Variants in PHF24 observed in about 807,000 individuals in gnomAD.
PHF24 encodes Galpha inhibitory interacting protein.
A neutral mutation model predicts 42.6 loss-of-function variants in PHF24; 25 were observed. The observed-to-expected ratio is 0.59, with a 90% confidence interval of 0.43 to 0.82. PHF24 has a LOEUF of 0.82. Ranked by LOEUF, PHF24 falls within the 40% of genes least tolerant of loss-of-function variation. The pLI is 0.00. For synonymous variants in PHF24, 185 were observed against 204.8 expected (o/e 0.90, Z 0.83); for missense variants, 470 against 538.1 (o/e 0.87, Z 1.25).
the PHF24 span, among the ~76,000 whole-genome samples, chr9:34,666,763 T>C: frequency 6.6e-6 from 1 of 151,928 alleles, no homozygotes; most frequent in Non-Finnish European, 1.5e-5. Context: ...CTGGCCAAGA[T>C]GGTGAAACCC....
the PHF24 span, among the ~76,000 whole-genome samples, chr9:34,777,800 G>C: frequency 6.6e-6 from 1 of 152,196 alleles, no homozygotes; most frequent in Non-Finnish European, 1.5e-5. Context: ...TTGAGGGTGA[G>C]GCAATTTTCT....
chr9:34,717,471 G>A, the PHF24 span, among the ~76,000 whole-genome samples: 2 of 152,154 alleles, frequency 1.3e-5, no homozygotes, highest in Admixed American at 6.5e-5. Context: ...CAAGGATGGA[G>A]CCAGCAGTAA....
chr9:34,815,422 A>C, the PHF24 span, among the ~76,000 whole-genome samples: 1 of 152,108 alleles, frequency 6.6e-6, no homozygotes, highest in East Asian at 1.9e-4. Flanking sequence ...TCCTGGGTTC[A>C]CACCATTCTC....
the PHF24 span, among the ~76,000 whole-genome samples, chr9:34,767,854 C>T: frequency 6.6e-6 from 1 of 152,220 alleles, no homozygotes; most frequent in Non-Finnish European, 1.5e-5. Flanking sequence ...TTGGCTGCCC[C>T]CATTGTCAGT....
the PHF24 span, among the ~76,000 whole-genome samples, chr9:34,738,863 G>C: frequency 6.6e-6 from 1 of 152,142 alleles, no homozygotes. Context: ...AGCCATTTGT[G>C]GTCCTGAGGT....
chr9:34,843,396 A>G, the PHF24 span, among the ~76,000 whole-genome samples: 1 of 152,186 alleles, frequency 6.6e-6, no homozygotes, highest in African/African-American at 2.4e-5. Context: ...AAAAAATATC[A>G]AGTGACCATA....
At chr9:34,669,196 G>A in the PHF24 span, among the ~76,000 whole-genome samples, 1 of 152,234 alleles carries the variant, frequency 6.6e-6, no homozygotes, top group East Asian at 1.9e-4. Context: ...ACCTCCTGAG[G>A]CTGTATCATG....
chr9:34,971,169 C>A, intron 1 of PHF24, 126 bp from the exon 2 acceptor site: 1 of 935,536 alleles, frequency 1.1e-6, no homozygotes, highest in African/African-American at 1.6e-5. Context: ...TGTGCTGTCT[C>A]CACCCCCACC....
the PHF24 span, among the ~76,000 whole-genome samples, chr9:34,680,652 C>T: frequency 6.8e-6 from 1 of 146,486 alleles, no homozygotes; most frequent in African/African-American, 2.5e-5. Flanking sequence ...CCCGCCACTG[C>T]ACTCCAGCCT....
chr9:34,688,330 T>C, the PHF24 span, among the ~76,000 whole-genome samples: 7 of 152,200 alleles, frequency 4.6e-5, no homozygotes, highest in African/African-American at 1.7e-4. Context: ...GAACACTGTC[T>C]GGAGGCTAGC....
chr9:34,835,799 T>C, the PHF24 span: 31 of 1,533,898 alleles, frequency 2.0e-5, no homozygotes, highest in Non-Finnish European at 2.7e-5. Context: ...GTTGGGTTTA[T>C]AGATGCCAGT....
chr9:34,936,274 T>A, the PHF24 span, among the ~76,000 whole-genome samples: 1 of 152,236 alleles, frequency 6.6e-6, no homozygotes, highest in East Asian at 1.9e-4. Context: ...TTTCGCTGTG[T>A]TCGCCGGGCT....
chr9:34,961,399 A>T (rs898611431), intron 1 of PHF24, among the ~76,000 whole-genome samples: 3 of 152,140 alleles, frequency 2.0e-5, no homozygotes, highest in Non-Finnish European at 4.4e-5. Flanking sequence ...TATTTTTTCC[A>T]TTAGCACATC....
At chr9:34,937,810 A>AT in the PHF24 span, among the ~76,000 whole-genome samples, 9 of 152,364 alleles carry the variant, frequency 5.9e-5, no homozygotes, top group East Asian at 1.7e-3. Context: ...GATTCTGAAA[A>AT]TAAAGCTCTG....
the PHF24 span, among the ~76,000 whole-genome samples, chr9:34,831,540 A>G: frequency 6.6e-6 from 1 of 152,038 alleles, no homozygotes; most frequent in Admixed American, 6.5e-5. Flanking sequence ...GGCAAGCAGA[A>G]CTAAGCTCAG....
At chr9:34,910,595 G>C in the PHF24 span, among the ~76,000 whole-genome samples, 1 of 152,158 alleles carries the variant, frequency 6.6e-6, no homozygotes, top group Non-Finnish European at 1.5e-5. Flanking sequence ...AAATATGTAA[G>C]TAAATGTTTT....
At chr9:34,708,980 G>GTCGCCGTA in the PHF24 span, 2 of 205,526 alleles carry the variant, frequency 9.7e-6, no homozygotes, top group Non-Finnish European at 1.9e-5. Context: ...CATCTCGGTG[G>GTCGCCGTA]ACATAAACAC....
the PHF24 span, among the ~76,000 whole-genome samples, chr9:34,905,083 T>G: frequency 6.6e-6 from 1 of 152,128 alleles, no homozygotes; most frequent in Non-Finnish European, 1.5e-5. Context: ...TATGCTTCAG[T>G]CTCTTTTTAG....
chr9:34,848,420 T>A, the PHF24 span, among the ~76,000 whole-genome samples: 1 of 151,848 alleles, frequency 6.6e-6, no homozygotes, highest in Non-Finnish European at 1.5e-5. Context: ...GATGGTAGTT[T>A]GTATTTCTGT....
Sources: allele counts gnomAD v4.1 joint callset (sites outside exome capture counted in the v4.1 genomes callset), GRCh38; gene constraint gnomAD v4.1.1; transcripts MANE v1.5; gene names NCBI Gene and HGNC (gene_info 2026-07-23, HGNC 2026-07-21).